The following SERTM1 variants were observed in gnomAD, a reference collection of about 807,000 sequenced individuals.
The protein encoded by SERTM1 is serine rich and transmembrane domain containing 1.
A neutral mutation model predicts 5.5 loss-of-function variants in SERTM1; 1 was observed. The ratio of observed to expected loss-of-function variants is 0.18; its 90% CI spans 0.06 to 0.86. The LOEUF is 0.86. Among genes scored for constraint, SERTM1 ranks in the 40% least tolerant of loss-of-function variants. The pLI, the probability that SERTM1 is intolerant of heterozygous loss-of-function variation, is 0.69. For synonymous variants in SERTM1, 52 were observed against 55.1 expected (o/e 0.94, Z 0.25); for missense variants, 91 against 122.4 (o/e 0.74, Z 1.21).
intron 1 of SERTM1, among the ~76,000 whole-genome samples, chr13:36,678,362 A>G (rs1294809575): frequency 6.6e-6 from 1 of 152,152 alleles, no homozygotes; most frequent in Non-Finnish European, 1.5e-5. Context: ...TAGCAGTAGT[A>G]GTTGTTGTTT....
intron 1 of SERTM1, among the ~76,000 whole-genome samples, chr13:36,691,613 G>A (rs2056778995): frequency 1.3e-5 from 2 of 152,050 alleles, no homozygotes; most frequent in Non-Finnish European, 2.9e-5. Flanking sequence ...ACCTTCTGAG[G>A]ACAGTGATTC....
chr13:36,680,902 T>C (rs969528720), intron 1 of SERTM1, among the ~76,000 whole-genome samples: 1 of 152,310 alleles, frequency 6.6e-6, no homozygotes, highest in East Asian at 1.9e-4. Context: ...AGAGGGACTA[T>C]AAAGGAAAAC....
intron 1 of SERTM1, among the ~76,000 whole-genome samples, chr13:36,688,401 T>G (rs909973186): frequency 9.2e-5 from 14 of 151,982 alleles, no homozygotes; most frequent in African/African-American, 3.1e-4. Flanking sequence ...TTTGTAGAGA[T>G]AGGTTTTCTT....
Position 36,695,069 on chromosome 13 carries a change from C to A in SERTM1, c.-10C>A. The A allele has an allele frequency of 6.2e-7, 1 of 1,605,704 alleles. No individual in the cohort carries two copies. The highest frequency in any genetic ancestry group is 8.5e-7 in the Non-Finnish European group (1 of 1,174,256). ...TAATCTACCAGATCACTCCTTCACC[C>A]TCCATAAAGATGTCTGAACCTGACA... On this transcript the variant is annotated 5_prime_UTR_variant, in exon 2 of 2. Coordinates refer to ENST00000315190, the MANE Select transcript of SERTM1 (RefSeq NM_203451.3).
chr13:36,681,950 G>A (rs2056707766), intron 1 of SERTM1, among the ~76,000 whole-genome samples: 1 of 152,198 alleles, frequency 6.6e-6, no homozygotes, highest in Admixed American at 6.5e-5. Flanking sequence ...ATTGTTGAAA[G>A]ACACAGTTGG....
chr13:36,682,821 G>A (rs2056714170), intron 1 of SERTM1, among the ~76,000 whole-genome samples: 1 of 152,124 alleles, frequency 6.6e-6, no homozygotes, highest in South Asian at 2.1e-4. Flanking sequence ...ACCCCTTCCT[G>A]TACATTGTTA....
intron 1 of SERTM1, among the ~76,000 whole-genome samples, chr13:36,686,385 C>A (rs2056741498): frequency 6.6e-6 from 1 of 152,186 alleles, no homozygotes; most frequent in Non-Finnish European, 1.5e-5. Context: ...TTTTTCCAAG[C>A]ATATTTTCTT....
chr13:36,695,764 C>T lies in SERTM1; in HGVS notation c.*362C>T, dbSNP rs759331331. ...TCGCACTTCATTTCTTTTACAAAGC[C>T]GTGAAATCAACTGAGCCTGCAGAAA... On this transcript the variant is annotated 3_prime_UTR_variant, in exon 2 of 2. Transcript: ENST00000315190. 8.9e-5 allele frequency: 19 copies of T among 213,388 alleles called. No homozygotes were observed. Among genetic ancestry groups the T allele is most frequent in the African/African-American group, 2.3e-4 (10 of 42,922 alleles). The allele number at this position is 213,388 out of a possible 1,614,324, so 13.2% of individuals were successfully genotyped here.
At chr13:36,685,685 C>A (rs966116809) in intron 1 of SERTM1, among the ~76,000 whole-genome samples, 12 of 152,168 alleles carry the variant, frequency 7.9e-5, no homozygotes, top group Non-Finnish European at 1.6e-4. Context: ...TAGACTCTTG[C>A]TACACTAGAG....
intron 1 of SERTM1, among the ~76,000 whole-genome samples, chr13:36,675,136 G>C (rs1004393553): frequency 6.6e-6 from 1 of 152,194 alleles, no homozygotes; most frequent in African/African-American, 2.4e-5. Flanking sequence ...TCAGACTCTA[G>C]AGATGGGGTC....
intron 1 of SERTM1, among the ~76,000 whole-genome samples, chr13:36,686,358 G>C (rs911038295): frequency 6.6e-6 from 1 of 152,092 alleles, no homozygotes; most frequent in African/African-American, 2.4e-5. Flanking sequence ...CTAACATTTT[G>C]GCTGACTTAG....
chr13:36,684,286 G>A (rs2138089235), intron 1 of SERTM1, among the ~76,000 whole-genome samples: 1 of 150,038 alleles, frequency 6.7e-6, no homozygotes, highest in African/African-American at 2.5e-5. Flanking sequence ...GACAGAGCGA[G>A]ACTCTGTCAA....
chr13:36,676,792 A>T (rs552084942), intron 1 of SERTM1, among the ~76,000 whole-genome samples: 2 of 152,318 alleles, frequency 1.3e-5, no homozygotes, highest in East Asian at 3.9e-4. Flanking sequence ...ATGATTGTTT[A>T]TAATGAGAGC....
intron 1 of SERTM1, among the ~76,000 whole-genome samples, chr13:36,689,203 T>A (rs1197903036): frequency 6.6e-6 from 1 of 152,084 alleles, no homozygotes; most frequent in Non-Finnish European, 1.5e-5. Flanking sequence ...TACTAAAAAA[T>A]TTATTAAGAA....
Position 36,695,605 on chromosome 13 carries a change from C to T in SERTM1, c.*203C>T. 3 of 605,418 alleles carry T rather than the reference C, an allele frequency of 5.0e-6. No individual in the cohort carries two copies. Among genetic ancestry groups the T allele is most frequent in the Non-Finnish European group, 8.9e-6 (3 of 335,768 alleles). The allele number at this position is 605,418 out of a possible 1,614,324, so 37.5% of individuals were successfully genotyped here. Reference sequence around the variant, plus strand: ...GATGTTGGTGGAAATGTGTGCAAACCCCAAGGTGCAGAATTTCACACAAAT... The same window carrying T: ...GATGTTGGTGGAAATGTGTGCAAACTCCAAGGTGCAGAATTTCACACAAAT... On this transcript the variant is annotated 3_prime_UTR_variant, in exon 2 of 2. Transcript: ENST00000315190.
chr13:36,689,221 T>A (rs2056761571), intron 1 of SERTM1, among the ~76,000 whole-genome samples: 1 of 152,108 alleles, frequency 6.6e-6, no homozygotes, highest in South Asian at 2.1e-4. Flanking sequence ...GAATAATAGT[T>A]ACATCCAGGC....
rs951325308 is a variant in SERTM1 at position 36,695,088 on chromosome 13, C to T, written c.10C>T (p.Pro4Ser). MSE[P>S]DTSSGFSGSV... The stretch of plus-strand genomic sequence containing the variant: ...TTCACCCTCCATAAAGATGTCTGAA[C>T]CTGACACTTCCTCAGGATTTTCGGG... Residue 4 changes from proline to serine, a missense_variant, in exon 2 of 2, where the codon CCT becomes TCT. By Grantham distance (74) the Pro-to-Ser change is moderately conservative. Transcript: ENST00000315190. 1 of 1,613,204 alleles carries T rather than the reference C, an allele frequency of 6.2e-7. No individual in the cohort carries two copies.
At chr13:36,692,601 G>A (rs2056786289) in intron 1 of SERTM1, among the ~76,000 whole-genome samples, 1 of 152,130 alleles carries the variant, frequency 6.6e-6, no homozygotes, top group African/African-American at 2.4e-5. Flanking sequence ...TACTTGGGAT[G>A]GCCTTTTATG....
chr13:36,680,784 C>T (rs773747770), intron 1 of SERTM1, among the ~76,000 whole-genome samples: 1 of 151,962 alleles, frequency 6.6e-6, no homozygotes, highest in Non-Finnish European at 1.5e-5. Context: ...GACGGAGTCT[C>T]GCTCTGTTGC....
Sources: allele counts gnomAD v4.1 joint callset (sites outside exome capture counted in the v4.1 genomes callset), GRCh38; gene constraint gnomAD v4.1.1; transcripts MANE v1.5; gene names NCBI Gene and HGNC (gene_info 2026-07-23, HGNC 2026-07-21).